Variants in PTPRS observed in about 807,000 individuals in gnomAD.
PTPRS encodes the protein receptor-type tyrosine-protein phosphatase S.
A neutral mutation model predicts 215.3 loss-of-function variants in PTPRS; 63 were observed. The observed-to-expected ratio is 0.29, with a 90% CI of 0.24 to 0.36. The LOEUF (loss-of-function observed/expected upper bound fraction) is 0.36, where lower values mean the gene tolerates loss of function less well. Ranked by LOEUF, PTPRS falls within the 10% of genes least tolerant of loss-of-function variation. The pLI is 1.00. For synonymous variants in PTPRS, 1,404 were observed against 1,191.4 expected (o/e 1.18, Z -3.68); for missense variants, 2,258 against 2,825.8 (o/e 0.80, Z 4.56).
intron 13 of PTPRS, 30 bp downstream of exon 13, chr19:5,238,889 C>T: frequency 6.4e-7 from 1 of 1,560,200 alleles, no homozygotes; most frequent in Non-Finnish European, 8.6e-7. Context: ...GTCCCTCCCG[C>T]AGAGAAGGGC....
At chr19:5,216,327 G>A (rs190791500) in intron 26 of PTPRS, among the ~76,000 whole-genome samples, 16 of 152,264 alleles carry the variant, frequency 1.1e-4, no homozygotes, top group Non-Finnish European at 1.5e-4. Flanking sequence ...TGGGACCTGT[G>A]TACCGGATGT....
chr19:5,234,329 C>T (rs983662155), intron 13 of PTPRS, among the ~76,000 whole-genome samples: 1 of 152,158 alleles, frequency 6.6e-6, no homozygotes, highest in African/African-American at 2.4e-5. Flanking sequence ...ATGTCAAGGG[C>T]TTTATCAAGT....
intron 4 of PTPRS, among the ~76,000 whole-genome samples, chr19:5,267,216 G>A (rs867021427): frequency 1.5e-4 from 23 of 148,728 alleles, no homozygotes; most frequent in African/African-American, 4.4e-4. Context: ...ATGTGGGGGC[G>A]GGGGGGAGCG....
At chr19:5,337,077 G>T (rs1271301492) in intron 1 of PTPRS, among the ~76,000 whole-genome samples, 1 of 152,272 alleles carries the variant, frequency 6.6e-6, no homozygotes, top group Middle Eastern at 3.4e-3. Flanking sequence ...TCAGCACTGC[G>T]CCCGCCAAAC....
At chr19:5,259,565 A>G (rs1481471736) in intron 7 of PTPRS, among the ~76,000 whole-genome samples, 1 of 152,250 alleles carries the variant, frequency 6.6e-6, no homozygotes, top group East Asian at 1.9e-4. Context: ...TTGTAATCAC[A>G]GGCCTGGATC....
chr19:5,283,303 A>C (rs1035867137), intron 2 of PTPRS, among the ~76,000 whole-genome samples: 1 of 131,974 alleles, frequency 7.6e-6, no homozygotes, highest in African/African-American at 2.8e-5. Context: ...CGCCTGTCAC[A>C]CCAGCACTTT....
Position 5,339,895 on chromosome 19 carries a change from T to G in PTPRS, c.-95+769A>C, listed in dbSNP as rs1032916919. 4.0e-5 allele frequency among the ~76,000 whole-genome samples: 6 copies of G among 151,476 alleles called. No individual in the cohort carries two copies. The highest frequency in any genetic ancestry group is 1.5e-4 in the African/African-American group (6 of 41,282). On this transcript the variant is annotated intron_variant, in intron 1 of 37. Transcript: ENST00000262963. The surrounding 1 kb of genome is among the most constrained non-coding windows in gnomAD (Gnocchi z 4.2). ...GAGACTGGGGTGCTGGGCGTGCGCG[T>G]CTGCCTGCCAGAGCCCCTGGGGCTG...
rs1370488649 is a variant in PTPRS at position 5,339,317 on chromosome 19, G to T, written c.-95+1347C>A. ...AGGAGGTGGCTGGATTTGAGGAAGGGTTGCAGAGGAAGGGGCGTTCTTGGA... is the reference window on the plus strand; with the variant it reads ...AGGAGGTGGCTGGATTTGAGGAAGGTTTGCAGAGGAAGGGGCGTTCTTGGA... On this transcript the variant is annotated intron_variant, in intron 1 of 37. Coordinates refer to ENST00000262963, the MANE Select transcript of PTPRS (RefSeq NM_002850.4). The surrounding 1 kb of genome is among the most constrained non-coding windows in gnomAD (Gnocchi z 4.2). 6.6e-6 allele frequency among the ~76,000 whole-genome samples: 1 copy of T among 152,132 alleles called. No individual in the cohort carries two copies. The highest frequency in any genetic ancestry group is 1.5e-5 in the Non-Finnish European group (1 of 68,024).
rs912304942 is a variant in PTPRS at position 5,237,827 on chromosome 19, G to A, written c.1849+1092C>T. On this transcript the variant is annotated intron_variant, in intron 13 of 37. Coordinates refer to ENST00000262963, the MANE Select transcript of PTPRS (RefSeq NM_002850.4). The surrounding 1 kb of genome is among the most constrained non-coding windows in gnomAD (Gnocchi z 4.2). ...CTCAGCTCGGCTTGGTTTGTGGGGA[G>A]CAGGAAGGAGGGAAGGGGGCCGGCG... Among the ~76,000 whole-genome samples, 5 of 152,126 alleles carry A rather than the reference G, an allele frequency of 3.3e-5. No homozygotes were observed. The highest frequency in any genetic ancestry group is 1.2e-4 in the African/African-American group (5 of 41,430).
chr19:5,284,490 C>T (rs2048167282), intron 2 of PTPRS, among the ~76,000 whole-genome samples: 1 of 152,042 alleles, frequency 6.6e-6, no homozygotes, highest in African/African-American at 2.4e-5. Flanking sequence ...GCGCTTCAGC[C>T]CATCTTTCTT....
chr19:5,255,868 G>A (rs185130992), intron 9 of PTPRS, among the ~76,000 whole-genome samples: 25 of 152,326 alleles, frequency 1.6e-4, no homozygotes, highest in South Asian at 6.2e-4. Context: ...GGCTGGGCGC[G>A]GCTGAGATTT....
At chr19:5,230,248 CG>C (rs1301206506) in intron 14 of PTPRS, among the ~76,000 whole-genome samples, 1 of 152,174 alleles carries the variant, frequency 6.6e-6, no homozygotes, top group Non-Finnish European at 1.5e-5. Flanking sequence ...GGCTGTCCAA[CG>C]AAACAAAGGC....
chr19:5,290,251 G>A (rs1600004343), intron 1 of PTPRS, among the ~76,000 whole-genome samples: 1 of 152,222 alleles, frequency 6.6e-6, no homozygotes, highest in South Asian at 2.1e-4. Context: ...AGGAAACTGA[G>A]GCTCACAGAA....
chr19:5,307,271 G>A (rs923093196), intron 1 of PTPRS, among the ~76,000 whole-genome samples: 15 of 152,144 alleles, frequency 9.9e-5, no homozygotes, highest in African/African-American at 2.9e-4. Context: ...TCATGCCATT[G>A]CACTCTAGCC....
Position 5,205,591 on chromosome 19 carries a change from AAC to A in PTPRS, c.*1181_*1182del, listed in dbSNP as rs1285270644. ...CCACCCGGCTGCTTCCGCTGGAATAAACAGTGTTGAAAGTAACCGCAGACCTG... is the reference window on the plus strand; with the variant it reads ...CCACCCGGCTGCTTCCGCTGGAATAAAGTGTTGAAAGTAACCGCAGACCTG... On this transcript the variant is annotated 3_prime_UTR_variant, in exon 38 of 38. Coordinates refer to ENST00000262963, the MANE Select transcript of PTPRS (RefSeq NM_002850.4). Among the ~76,000 whole-genome samples the A allele has an allele frequency of 5.9e-5, 9 of 152,230 alleles. No homozygotes were observed. The highest frequency in any genetic ancestry group is 1.7e-4 in the African/African-American group (7 of 41,466).
At chr19:5,269,342 G>A (rs1037036406) in intron 4 of PTPRS, among the ~76,000 whole-genome samples, 3 of 151,986 alleles carry the variant, frequency 2.0e-5, no homozygotes, top group Non-Finnish European at 2.9e-5. Context: ...AACGTACATC[G>A]CGAACCACAC....
chr19:5,332,128 CA>C (rs1396051070), intron 1 of PTPRS, among the ~76,000 whole-genome samples: 3 of 146,520 alleles, frequency 2.0e-5, no homozygotes, highest in Admixed American at 6.9e-5. Context: ...TAAAATAGGG[CA>C]ATTTTTTTTT....
chr19:5,303,834 C>T (rs2049380088), intron 1 of PTPRS, among the ~76,000 whole-genome samples: 1 of 151,274 alleles, frequency 6.6e-6, no homozygotes, highest in African/African-American at 2.4e-5. Flanking sequence ...GCCTGTAATC[C>T]CAGCTACTCA....
chr19:5,254,615 G>C (rs1185797602), intron 9 of PTPRS, among the ~76,000 whole-genome samples: 1 of 152,182 alleles, frequency 6.6e-6, no homozygotes, highest in African/African-American at 2.4e-5. Context: ...GAGAGGCTGT[G>C]TCCAAGGTTC....
Sources: gnomAD v4.1 joint callset for allele counts (sites outside exome capture counted in the v4.1 genomes callset) on GRCh38, gnomAD v4.1.1 for gene constraint, Gnocchi (gnomAD v3.1) non-coding constraint, MANE v1.5 for transcripts, NCBI Gene and HGNC (gene_info 2026-07-23, HGNC 2026-07-21) for gene names.